Variants in AFF2 observed in about 807,000 individuals in gnomAD.
AFF2 encodes ALF transcription elongation factor 2, also known as AF4/FMR2 family member 2.
A neutral mutation model predicts 76.9 loss-of-function variants in AFF2; 14 were observed. The ratio of observed to expected loss-of-function variants is 0.18; its 90% CI spans 0.12 to 0.28. The LOEUF is 0.28. Ranked by LOEUF, AFF2 falls within the 10% of genes least tolerant of loss-of-function variation. AFF2 has a pLI of 1.00. For synonymous variants in AFF2, 398 were observed against 366.7 expected (o/e 1.09, Z -0.98); for missense variants, 868 against 1,001.1 (o/e 0.87, Z 1.79).
At chrX:148,533,417 C>T (rs1004641296) in intron 1 of AFF2, among the ~76,000 whole-genome samples, 4 of 109,812 alleles carry the variant, frequency 3.6e-5, no homozygotes, top group African/African-American at 1.3e-4. Context: ...CTCAGCCTCC[C>T]GAGTAGCTGG....
intron 13 of AFF2, among the ~76,000 whole-genome samples, chrX:148,965,880 C>T (rs190781445): frequency 1.9e-4 from 21 of 111,556 alleles, no homozygotes; most frequent in African/African-American, 6.8e-4. Context: ...TTCAGAAGAG[C>T]AGAAGGAAGA....
intron 1 of AFF2, among the ~76,000 whole-genome samples, chrX:148,642,957 G>A (rs963563574): frequency 8.9e-6 from 1 of 111,820 alleles, no homozygotes; most frequent in Admixed American, 9.5e-5. Flanking sequence ...GTAAATCCAC[G>A]GGACCATTTC....
chrX:148,567,896 A>C (rs1023327483), intron 1 of AFF2, among the ~76,000 whole-genome samples: 1 of 111,882 alleles, frequency 8.9e-6, no homozygotes, highest in Non-Finnish European at 1.9e-5. Flanking sequence ...AGTAGTGATC[A>C]GGAGGAGCGA....
rs561084693 is a variant in AFF2 at position 148,806,840 on chromosome X, A to T, written c.1042-3036A>T. On this transcript the variant is annotated intron_variant, in intron 3 of 20. Transcript: ENST00000370460. ...GAGTGATTTGTATTACCAACTCTCC[A>T]TGCTTTGCACTGTGCTAGGCACGTA... Among the ~76,000 whole-genome samples, 20 of 112,178 alleles carry T rather than the reference A, an allele frequency of 1.8e-4. No individual in the cohort carries two copies. The South Asian group carries it at 5.6e-3, about 31-fold the overall frequency.
chrX:148,983,426 A>G (rs1330284797), intron 19 of AFF2, among the ~76,000 whole-genome samples: 1 of 111,866 alleles, frequency 8.9e-6, no homozygotes, highest in Non-Finnish European at 1.9e-5. Flanking sequence ...TTCCCTGCAG[A>G]GTTATGGTGA....
At chrX:148,982,156 C>T (rs180930332) in intron 19 of AFF2, among the ~76,000 whole-genome samples, 83 of 111,875 alleles carry the variant, frequency 7.4e-4, no homozygotes, top group African/African-American at 2.6e-3. Context: ...AATTCTGAAA[C>T]GCAAGAACTC....
chrX:148,664,070 TG>T (rs781799834), intron 3 of AFF2, among the ~76,000 whole-genome samples: 4 of 111,637 alleles, frequency 3.6e-5, no homozygotes, highest in Admixed American at 2.8e-4. Flanking sequence ...GAGCCTTCAG[TG>T]GACTGCTGTG....
At chrX:148,739,450 C>T (rs782817794) in intron 3 of AFF2, among the ~76,000 whole-genome samples, 2 of 110,923 alleles carry the variant, frequency 1.8e-5, no homozygotes, top group East Asian at 5.7e-4. Context: ...CCTGCTTTAC[C>T]CCCTGCTTGC....
intron 8 of AFF2, among the ~76,000 whole-genome samples, chrX:148,903,397 G>A (rs2071374927): frequency 8.9e-6 from 1 of 112,201 alleles, no homozygotes; most frequent in African/African-American, 3.2e-5. Context: ...CAGAAGAATC[G>A]AAGGAGATGA....
intron 7 of AFF2, among the ~76,000 whole-genome samples, chrX:148,866,201 C>G (rs1371308221): frequency 1.8e-5 from 2 of 111,990 alleles, no homozygotes; most frequent in Non-Finnish European, 1.9e-5. Context: ...CTTCGCATTT[C>G]TAAGCTGTCA....
intron 1 of AFF2, among the ~76,000 whole-genome samples, chrX:148,509,001 T>C (rs141504648): frequency 0.021 from 2,284 of 111,255 alleles, 47 homozygotes; most frequent in African/African-American, 0.069. Context: ...TCAGGAGCCC[T>C]TGTACCCTGG....
At chrX:148,949,488 C>T (rs182165330) in intron 9 of AFF2, among the ~76,000 whole-genome samples, 16 of 112,049 alleles carry the variant, frequency 1.4e-4, no homozygotes, top group Non-Finnish European at 3.8e-5. Context: ...TTCTCTGCCC[C>T]CAGTCTGGCC....
intron 3 of AFF2, among the ~76,000 whole-genome samples, chrX:148,797,096 G>A (rs2069994554): frequency 1.8e-5 from 2 of 112,542 alleles, no homozygotes; most frequent in African/African-American, 6.5e-5. Context: ...TTTTACTTCT[G>A]TAGATCATGC....
intron 9 of AFF2, among the ~76,000 whole-genome samples, chrX:148,946,011 C>G (rs1203246949): frequency 2.7e-5 from 3 of 112,245 alleles, no homozygotes; most frequent in Non-Finnish European, 5.6e-5. Context: ...GAAAGGACAA[C>G]CAAGCCCTGA....
At chrX:148,839,921 G>C (rs1473388819) in intron 5 of AFF2, among the ~76,000 whole-genome samples, 2 of 106,031 alleles carry the variant, frequency 1.9e-5, no homozygotes, top group Non-Finnish European at 3.8e-5. Context: ...GTGTGTGTGT[G>C]TGTGTGTGTG....
intron 1 of AFF2, among the ~76,000 whole-genome samples, chrX:148,603,314 C>A (rs1049814497): frequency 3.5e-4 from 39 of 111,486 alleles, no homozygotes; most frequent in African/African-American, 1.2e-3. Context: ...TAAGGGGCGA[C>A]TGAGAAAAAC....
At chrX:148,723,547 A>C (rs1484370733) in intron 3 of AFF2, among the ~76,000 whole-genome samples, 1 of 112,131 alleles carries the variant, frequency 8.9e-6, no homozygotes, top group Non-Finnish European at 1.9e-5. Flanking sequence ...CCTTGTAAAC[A>C]TCTTGAGATG....
chrX:148,830,621 G>A (rs2070442443), intron 4 of AFF2, among the ~76,000 whole-genome samples: 1 of 111,633 alleles, frequency 9.0e-6, no homozygotes, highest in African/African-American at 3.3e-5. Flanking sequence ...AAACCAGCAA[G>A]TTTTTATTAG....
chrX:148,846,602 C>T (rs2070670525), intron 7 of AFF2, among the ~76,000 whole-genome samples: 2 of 111,170 alleles, frequency 1.8e-5, no homozygotes, highest in African/African-American at 3.3e-5. Context: ...AGTTGGTCTC[C>T]CACCCCTCAG....
Sources: gnomAD v4.1 joint callset for allele counts (sites outside exome capture counted in the v4.1 genomes callset) on GRCh38, gnomAD v4.1.1 for gene constraint, MANE v1.5 for transcripts, NCBI Gene and HGNC (gene_info 2026-07-23, HGNC 2026-07-21) for gene names.